Variants in CUL1 observed in about 807,000 individuals in gnomAD.
CUL1 encodes the protein cullin-1.
Under a neutral mutation model 118.0 loss-of-function variants are expected in CUL1, and 24 were observed. The observed-to-expected ratio is 0.20, with a 90% confidence interval of 0.15 to 0.29. The LOEUF is 0.29. Ranked by LOEUF, CUL1 falls within the 10% of genes least tolerant of loss-of-function variation. The pLI is 1.00. For synonymous variants in CUL1, 332 were observed against 340.4 expected (o/e 0.98, Z 0.27); for missense variants, 361 against 933.8 (o/e 0.39, Z 7.99).
intron 4 of CUL1, among the ~76,000 whole-genome samples, chr7:148,758,645 C>T (rs1450231082): frequency 6.6e-6 from 1 of 152,138 alleles, no homozygotes; most frequent in Admixed American, 6.6e-5. Flanking sequence ...TAATGTATCC[C>T]AGATGCATGA....
At chr7:148,762,786 G>C (rs1799875805) in intron 7 of CUL1, among the ~76,000 whole-genome samples, 2 of 152,172 alleles carry the variant, frequency 1.3e-5, no homozygotes, top group African/African-American at 4.8e-5. Flanking sequence ...AGTGCTCTAG[G>C]GCAAGGAAAC....
chr7:148,757,762 G>C (rs1350052161), intron 4 of CUL1, among the ~76,000 whole-genome samples: 3 of 152,164 alleles, frequency 2.0e-5, no homozygotes, highest in African/African-American at 7.2e-5. Flanking sequence ...GTTCCACGTG[G>C]CTGGGAAGGC....
intron 2 of CUL1, among the ~76,000 whole-genome samples, chr7:148,744,263 G>C (rs901064804): frequency 1.2e-4 from 19 of 152,046 alleles, no homozygotes; most frequent in Non-Finnish European, 5.9e-5. Flanking sequence ...ATTATTAATA[G>C]ATTAATTTTA....
chr7:148,749,894 C>T (rs1053555036), intron 2 of CUL1, among the ~76,000 whole-genome samples: 1 of 152,198 alleles, frequency 6.6e-6, no homozygotes, highest in South Asian at 2.1e-4. Flanking sequence ...AAATTAAAAG[C>T]GCTGCTCCAG....
chr7:148,785,518 G>A (rs1313586912), intron 11 of CUL1, among the ~76,000 whole-genome samples: 5 of 150,744 alleles, frequency 3.3e-5, no homozygotes. Flanking sequence ...CACCACACCC[G>A]GCTAATTTTT....
intron 1 of CUL1, among the ~76,000 whole-genome samples, chr7:148,709,242 C>T (rs1405910254): frequency 3.3e-5 from 5 of 152,168 alleles, no homozygotes; most frequent in African/African-American, 7.2e-5. Context: ...GGCCAAACTG[C>T]GTATATGCGC....
chr7:148,784,971 T>G (rs1800768089), intron 11 of CUL1, among the ~76,000 whole-genome samples: 1 of 152,310 alleles, frequency 6.6e-6, no homozygotes, highest in African/African-American at 2.4e-5. Context: ...TAGTATAGCT[T>G]TCTAGGAACA....
chr7:148,765,900 G>A (rs897497522), intron 7 of CUL1, among the ~76,000 whole-genome samples: 1 of 152,174 alleles, frequency 6.6e-6, no homozygotes, highest in African/African-American at 2.4e-5. Flanking sequence ...CTGCACAGAA[G>A]ATGCATTCAT....
chr7:148,770,944 A>T (rs959423536), intron 9 of CUL1, among the ~76,000 whole-genome samples: 4 of 152,254 alleles, frequency 2.6e-5, no homozygotes, highest in Admixed American at 2.0e-4. Context: ...ATCATTGTAC[A>T]TGATTTTAAG....
chr7:148,754,269 G>A, intron 3 of CUL1, 119 bp downstream of exon 3: 3 of 651,044 alleles, frequency 4.6e-6, no homozygotes, highest in Non-Finnish European at 7.6e-6. Context: ...ACTAACGTAG[G>A]TGACAGTGTT....
chr7:148,719,779 G>A (rs1164301539), intron 1 of CUL1, among the ~76,000 whole-genome samples: 1 of 152,238 alleles, frequency 6.6e-6, no homozygotes, highest in Non-Finnish European at 1.5e-5. Flanking sequence ...GTTGGCAGCA[G>A]TTTGGACGTG....
intron 1 of CUL1, among the ~76,000 whole-genome samples, chr7:148,725,219 G>GCGCGCACACACACACACACACACA: frequency 3.2e-4 from 45 of 140,146 alleles, no homozygotes; most frequent in East Asian, 1.5e-3. Flanking sequence ...ACACGCGCGC[G>GCGCGCACACACACACACACACACA]CTCACACACA....
At chr7:148,786,887 A>G in intron 12 of CUL1, 102 bp from the exon 13 acceptor site, 5 of 1,484,842 alleles carry the variant, frequency 3.4e-6, no homozygotes, top group Non-Finnish European at 4.5e-6. Context: ...CCCAAAGCCA[A>G]AGGCACATCT....
chr7:148,733,164 C>T (rs905918640), intron 2 of CUL1, among the ~76,000 whole-genome samples: 2 of 152,124 alleles, frequency 1.3e-5, no homozygotes, highest in South Asian at 2.1e-4. Flanking sequence ...ATGTAGTCTT[C>T]AGCTACTGTA....
intron 2 of CUL1, among the ~76,000 whole-genome samples, chr7:148,751,548 A>C (rs557823322): frequency 4.6e-5 from 7 of 151,734 alleles, no homozygotes; most frequent in Non-Finnish European, 8.8e-5. Flanking sequence ...AAAAAAAAAA[A>C]AAAAAACCTC....
intron 11 of CUL1, 108 bp downstream of exon 11, chr7:148,784,185 G>C (rs1403731155): frequency 5.7e-6 from 5 of 883,352 alleles, no homozygotes; most frequent in Non-Finnish European, 8.9e-6. Context: ...TGGAATTTTT[G>C]TACCTTATGA....
intron 9 of CUL1, among the ~76,000 whole-genome samples, chr7:148,774,588 A>T (rs1800335958): frequency 6.6e-6 from 1 of 152,252 alleles, no homozygotes; most frequent in Non-Finnish European, 1.5e-5. Context: ...GTAAATGAAC[A>T]TAAATCAGGC....
At chr7:148,793,516 A>G (rs1278247574) in intron 17 of CUL1, among the ~76,000 whole-genome samples, 11 of 152,304 alleles carry the variant, frequency 7.2e-5, no homozygotes, top group Admixed American at 7.2e-4. Context: ...TGCCTACTCC[A>G]GACATTTCAT....
At chr7:148,794,297 G>A (rs1801111863) in intron 17 of CUL1, among the ~76,000 whole-genome samples, 1 of 151,902 alleles carries the variant, frequency 6.6e-6, no homozygotes, top group Admixed American at 6.6e-5. Flanking sequence ...CATTTTTAAG[G>A]AATCATTGCC....
Sources: allele counts gnomAD v4.1 joint callset (sites outside exome capture counted in the v4.1 genomes callset), GRCh38; gene constraint gnomAD v4.1.1; transcripts MANE v1.5; gene names NCBI Gene and HGNC (gene_info 2026-07-23, HGNC 2026-07-21).